Variants in TTLL11 observed in about 807,000 individuals in gnomAD.
TTLL11 encodes tubulin polyglutamylase TTLL11.
A neutral mutation model predicts 51.7 loss-of-function variants in TTLL11; 42 were observed. The observed-to-expected ratio is 0.81, with a 90% confidence interval of 0.64 to 1.05. The LOEUF (loss-of-function observed/expected upper bound fraction) is 1.05, where lower values mean the gene tolerates loss of function less well. Among genes scored for constraint, TTLL11 ranks in the 50% least tolerant of loss-of-function variants. TTLL11 has a pLI of 0.00. For missense variants in TTLL11, 799 were observed against 940.4 expected (o/e 0.85, Z 1.97); for synonymous variants, 381 against 383.5 (o/e 0.99, Z 0.08).
chr9:122,089,776 AT>A (rs1394348758), intron 1 of TTLL11, among the ~76,000 whole-genome samples: 1 of 151,972 alleles, frequency 6.6e-6, no homozygotes, highest in East Asian at 1.9e-4. Context: ...TTGCAAGTGA[AT>A]TGTTTTTTTA....
intron 6 of TTLL11, among the ~76,000 whole-genome samples, chr9:121,933,996 G>A (rs1459733333): frequency 1.3e-5 from 2 of 152,196 alleles, no homozygotes; most frequent in South Asian, 2.1e-4. Flanking sequence ...TTGGGAGGCC[G>A]AGACTGGCGG....
At chr9:121,924,346 A>G (rs9409242) in intron 6 of TTLL11, among the ~76,000 whole-genome samples, 55,766 of 152,092 alleles carry the variant, frequency 0.37, 10,613 homozygotes, top group East Asian at 0.58. Flanking sequence ...CATCCCCAGC[A>G]CTGTGGCAGT....
chr9:122,014,400 C>T (rs1564358226), intron 3 of TTLL11, among the ~76,000 whole-genome samples: 1 of 152,078 alleles, frequency 6.6e-6, no homozygotes, highest in Non-Finnish European at 1.5e-5. Flanking sequence ...AAGACTTGAA[C>T]CTCTGTCTCC....
chr9:121,883,795 T>G (rs1282061029), intron 6 of TTLL11, among the ~76,000 whole-genome samples: 3 of 152,178 alleles, frequency 2.0e-5, no homozygotes, highest in Non-Finnish European at 4.4e-5. Flanking sequence ...CCCTGATGGC[T>G]CTGGAGACTC....
At chr9:122,067,625 C>T (rs181097936) in intron 1 of TTLL11, among the ~76,000 whole-genome samples, 3 of 152,286 alleles carry the variant, frequency 2.0e-5, no homozygotes, top group Admixed American at 2.0e-4. Flanking sequence ...GCCTCAGTCT[C>T]CCGGGTAGCT....
At chr9:122,035,315 C>T (rs563559219) in intron 2 of TTLL11, among the ~76,000 whole-genome samples, 2 of 152,182 alleles carry the variant, frequency 1.3e-5, no homozygotes, top group African/African-American at 4.8e-5. Context: ...GTTCCCCTAT[C>T]GATTGGGAAA....
At chr9:121,832,447 A>G (rs868789567) in intron 8 of TTLL11, among the ~76,000 whole-genome samples, 1 of 152,208 alleles carries the variant, frequency 6.6e-6, no homozygotes, top group Non-Finnish European at 1.5e-5. Flanking sequence ...ATTCATATTT[A>G]TTTAGCCCTC....
intron 1 of TTLL11, among the ~76,000 whole-genome samples, chr9:122,077,833 CA>C (rs11286316): frequency 0.44 from 43,192 of 99,090 alleles, 6,954 homozygotes; most frequent in African/African-American, 0.52. Context: ...CAAAAACCTG[CA>C]AAAAAAAAAA....
At chr9:122,016,456 A>G (rs1454774699) in intron 3 of TTLL11, among the ~76,000 whole-genome samples, 1 of 152,216 alleles carries the variant, frequency 6.6e-6, no homozygotes, top group African/African-American at 2.4e-5. Context: ...TGATGTGACT[A>G]ATAGATTTAC....
chr9:121,977,822 G>A (rs1307965193), intron 4 of TTLL11, among the ~76,000 whole-genome samples: 1 of 151,796 alleles, frequency 6.6e-6, no homozygotes, highest in Non-Finnish European at 1.5e-5. Context: ...TTACAGACAC[G>A]TGCCCCCATG....
intron 3 of TTLL11, among the ~76,000 whole-genome samples, chr9:121,996,697 AG>A (rs1189924139): frequency 2.0e-5 from 3 of 152,222 alleles, no homozygotes; most frequent in African/African-American, 7.2e-5. Context: ...TCCAACCCTA[AG>A]CTCTTTCTAC....
chr9:122,085,959 C>T (rs1846111664), intron 1 of TTLL11, among the ~76,000 whole-genome samples: 1 of 152,206 alleles, frequency 6.6e-6, no homozygotes, highest in South Asian at 2.1e-4. Context: ...AGAGAAGGCA[C>T]TTAAACAGTG....
chr9:122,070,990 T>C (rs1006297188), intron 1 of TTLL11, among the ~76,000 whole-genome samples: 1 of 152,154 alleles, frequency 6.6e-6, no homozygotes. Flanking sequence ...GCTGAGAGGA[T>C]AGTTCTACCT....
At chr9:122,070,905 T>G (rs1054049641) in intron 1 of TTLL11, among the ~76,000 whole-genome samples, 2 of 152,096 alleles carry the variant, frequency 1.3e-5, no homozygotes, top group Admixed American at 6.5e-5. Flanking sequence ...GCTTGTCTTA[T>G]GGAGAGGACA....
At chr9:122,089,670 G>A (rs1405094366) in intron 1 of TTLL11, among the ~76,000 whole-genome samples, 1 of 152,176 alleles carries the variant, frequency 6.6e-6, no homozygotes, top group Non-Finnish European at 1.5e-5. Flanking sequence ...GTGCATTAGG[G>A]ACATAAGTCA....
At chr9:121,969,020 C>T (rs1356781277) in intron 6 of TTLL11, among the ~76,000 whole-genome samples, 1 of 151,988 alleles carries the variant, frequency 6.6e-6, no homozygotes, top group East Asian at 1.9e-4. Flanking sequence ...TAGGCATGCA[C>T]CACCATGCCC....
chr9:121,820,379 T>G lies in TTLL11; in HGVS notation c.*2208A>C, dbSNP rs994704317. Among the ~76,000 whole-genome samples the G allele has an allele frequency of 6.6e-6, 1 of 152,166 alleles. No homozygotes were observed. The highest frequency in any genetic ancestry group is 2.4e-5 in the African/African-American group (1 of 41,424). On this transcript the variant is annotated 3_prime_UTR_variant, in exon 9 of 9. Transcript: ENST00000321582. ...GATGACAAGTGTGCCCAGACATGCTTACTCTGGTCTTTCTCTGGGAAATCC... is the reference window on the plus strand; with the variant it reads ...GATGACAAGTGTGCCCAGACATGCTGACTCTGGTCTTTCTCTGGGAAATCC...
At chr9:121,896,097 T>A (rs1018559762) in intron 6 of TTLL11, among the ~76,000 whole-genome samples, 11 of 151,922 alleles carry the variant, frequency 7.2e-5, no homozygotes, top group African/African-American at 2.7e-4. Context: ...TGGTTGTGTG[T>A]GTTTGTGTGT....
At chr9:121,901,101 T>C (rs1427846386) in intron 6 of TTLL11, among the ~76,000 whole-genome samples, 1 of 152,210 alleles carries the variant, frequency 6.6e-6, no homozygotes, top group South Asian at 2.1e-4. Flanking sequence ...TTGTGGCTAC[T>C]GTAAATGGGA....
Sources: allele counts gnomAD v4.1 joint callset (sites outside exome capture counted in the v4.1 genomes callset), GRCh38; gene constraint gnomAD v4.1.1; transcripts MANE v1.5; gene names NCBI Gene and HGNC (gene_info 2026-07-23, HGNC 2026-07-21).